Variants in DYNLRB1 observed in about 807,000 individuals in gnomAD.
DYNLRB1 encodes the protein ROBL/LC7-like 1.
Under a neutral mutation model 13.5 loss-of-function variants are expected in DYNLRB1, and 6 were observed. That is an observed-to-expected ratio of 0.44 (90% CI 0.24 to 0.88). DYNLRB1 has a LOEUF of 0.88. Ranked by LOEUF, DYNLRB1 falls within the 40% of genes least tolerant of loss-of-function variation. The pLI is 0.21. For missense variants in DYNLRB1, 93 were observed against 127.2 expected, an observed-to-expected ratio of 0.73 and a Z score of 1.29; for synonymous variants, 43 against 45.0, an observed-to-expected ratio of 0.96 and a Z score of 0.18.
chr20:34,523,249 G>A (rs747132787), intron 1 of DYNLRB1, among the ~76,000 whole-genome samples: 1 of 152,138 alleles, frequency 6.6e-6, no homozygotes, highest in African/African-American at 2.4e-5. Flanking sequence ...CAGGGCAGGG[G>A]TAGGAGGCTT....
chr20:34,521,632 G>C (rs1254915624), intron 1 of DYNLRB1, among the ~76,000 whole-genome samples: 1 of 152,124 alleles, frequency 6.6e-6, no homozygotes, highest in Non-Finnish European at 1.5e-5. Flanking sequence ...CTTTATTGCT[G>C]CTTGTTTTTC....
At chr20:34,531,934 G>GT (rs1172209457) in intron 2 of DYNLRB1, among the ~76,000 whole-genome samples, 1 of 152,220 alleles carries the variant, frequency 6.6e-6, no homozygotes, top group Non-Finnish European at 1.5e-5. Flanking sequence ...GCTTCGTGGT[G>GT]TGTAAAAAGA....
At chr20:34,536,515 G>A (rs1325261620) in intron 3 of DYNLRB1, 5 of 979,864 alleles carry the variant, frequency 5.1e-6, no homozygotes, top group Non-Finnish European at 4.8e-6. Flanking sequence ...GGGAGGCCAA[G>A]GCAGGCGGAT....
Position 34,540,800 on chromosome 20 carries a change from C to A in DYNLRB1, c.*176C>A. ...CCACCAACGGAACCCCTGTGTGCACCAACCTTCCCCAGAGCTCCGGAGCGC... is the reference window on the plus strand; with the variant it reads ...CCACCAACGGAACCCCTGTGTGCACAAACCTTCCCCAGAGCTCCGGAGCGC... On this transcript the variant is annotated 3_prime_UTR_variant, in exon 4 of 4. Coordinates refer to ENST00000357156, the MANE Select transcript of DYNLRB1 (RefSeq NM_014183.4). 2 of 595,086 alleles carry A rather than the reference C, an allele frequency of 3.4e-6. No homozygotes were observed. Among genetic ancestry groups the A allele is most frequent in the South Asian group, 2.3e-5 (1 of 42,580 alleles). 36.9% of individuals were successfully genotyped at this position (595,086 alleles called of 1,614,324 possible). A position where few individuals can be genotyped will look rare whatever the true frequency, so the allele number is the denominator to read the frequency against.
Position 34,535,157 on chromosome 20 carries a change from G to A in DYNLRB1, c.247+362G>A, listed in dbSNP as rs3787224. 2.4e-3 allele frequency: 2,341 copies of A among 985,400 alleles called. 101 individuals carry two copies. In the East Asian group the frequency reaches 0.11, roughly 48 times the overall value. The allele number at this position is 985,400 out of a possible 1,614,324, so 61.0% of individuals were successfully genotyped here. On this transcript the variant is annotated intron_variant, in intron 3 of 3. Coordinates refer to ENST00000357156, the MANE Select transcript of DYNLRB1 (RefSeq NM_014183.4). ...GCTTCCCAGAAGAGGGGACACTGGAGCTGAATCTTAAGGGCACCAGGAAGC... is the reference window on the plus strand; with the variant it reads ...GCTTCCCAGAAGAGGGGACACTGGAACTGAATCTTAAGGGCACCAGGAAGC...
chr20:34,535,230 C>A, intron 3 of DYNLRB1: 1 of 985,436 alleles, frequency 1.0e-6, no homozygotes, highest in Non-Finnish European at 1.2e-6. Context: ...GAAGAATATT[C>A]AGTGATTCTT....
chr20:34,536,210 G>T, intron 3 of DYNLRB1: 2 of 985,454 alleles, frequency 2.0e-6, no homozygotes, highest in Non-Finnish European at 2.4e-6. Context: ...AGGAGGCACA[G>T]AATCTGTTTT....
intron 2 of DYNLRB1, among the ~76,000 whole-genome samples, chr20:34,531,996 G>T (rs1030868960): frequency 2.0e-5 from 3 of 152,188 alleles, no homozygotes; most frequent in African/African-American, 7.2e-5. Flanking sequence ...GGGACTGTGG[G>T]CCTCTTACCA....
At chr20:34,517,773 C>T (rs1979373535) in intron 1 of DYNLRB1, among the ~76,000 whole-genome samples, 1 of 151,824 alleles carries the variant, frequency 6.6e-6, no homozygotes, top group Non-Finnish European at 1.5e-5. Flanking sequence ...GGACTACAGG[C>T]GCCCACCACC....
intron 1 of DYNLRB1, among the ~76,000 whole-genome samples, chr20:34,521,671 T>A (rs1979728221): frequency 6.6e-6 from 1 of 152,188 alleles, no homozygotes; most frequent in Non-Finnish European, 1.5e-5. Flanking sequence ...ATCTGGGAAC[T>A]AGAGAATTGG....
At chr20:34,516,788 C>T in intron 1 of DYNLRB1, 1 of 1,550,098 alleles carries the variant, frequency 6.5e-7, no homozygotes, top group South Asian at 1.2e-5. Flanking sequence ...GCAACCCTGG[C>T]AACGTTTCCC....
At position 34,540,631 on chromosome 20, in the gene DYNLRB1, C is replaced by G. The variant is rs1447364926; in HGVS notation, c.*7C>G. On this transcript the variant is annotated 3_prime_UTR_variant, in exon 4 of 4. Coordinates refer to ENST00000357156, the MANE Select transcript of DYNLRB1 (RefSeq NM_014183.4). ...TCAGAATCCAACCGAATAAGCCACT[C>G]TCTTGGCTCCCTGTGTCATTCCTTA... 1.9e-6 allele frequency: 3 copies of G among 1,613,572 alleles called. No individual in the cohort carries two copies. The highest frequency in any genetic ancestry group is 4.5e-5 in the East Asian group (2 of 44,884).
intron 2 of DYNLRB1, among the ~76,000 whole-genome samples, chr20:34,529,622 G>T (rs369205081): frequency 6.6e-6 from 1 of 151,844 alleles, no homozygotes; most frequent in Non-Finnish European, 1.5e-5. Context: ...CCAGCTATTC[G>T]GGAGGCTGAG....
At chr20:34,536,354 C>T (rs1981139483) in intron 3 of DYNLRB1, 3 of 985,146 alleles carry the variant, frequency 3.0e-6, no homozygotes, top group Non-Finnish European at 3.6e-6. Context: ...AGTGTGTTGA[C>T]CTGGGTTGGG....
intron 3 of DYNLRB1, chr20:34,536,083 G>T: frequency 1.0e-6 from 1 of 985,422 alleles, no homozygotes; most frequent in East Asian, 1.1e-4. Flanking sequence ...ACTCCCTAGA[G>T]GGGTGGGGAC....
intron 1 of DYNLRB1, among the ~76,000 whole-genome samples, chr20:34,521,757 A>G (rs546536211): frequency 6.6e-6 from 1 of 152,194 alleles, no homozygotes; most frequent in African/African-American, 2.4e-5. Flanking sequence ...TAAAGATGAC[A>G]TACTTATGGC....
intron 3 of DYNLRB1, chr20:34,534,998 G>A: frequency 7.0e-7 from 1 of 1,421,654 alleles, no homozygotes; most frequent in Non-Finnish European, 9.2e-7. Flanking sequence ...GCCCCAGAGG[G>A]TAACCCCAGT....
intron 1 of DYNLRB1, among the ~76,000 whole-genome samples, chr20:34,524,828 A>G (rs1980057328): frequency 6.7e-6 from 1 of 149,306 alleles, no homozygotes; most frequent in Admixed American, 6.7e-5. Context: ...GGTTCACGCC[A>G]TTCTTCTGCC....
intron 2 of DYNLRB1, among the ~76,000 whole-genome samples, chr20:34,527,545 G>A (rs1384932915): frequency 2.0e-5 from 3 of 152,178 alleles, no homozygotes; most frequent in African/African-American, 7.2e-5. Flanking sequence ...ATGCCTCTAG[G>A]CCACAGTGTT....
Sources: gnomAD v4.1 joint callset for allele counts (sites outside exome capture counted in the v4.1 genomes callset) on GRCh38, gnomAD v4.1.1 for gene constraint, MANE v1.5 for transcripts, NCBI Gene and HGNC (gene_info 2026-07-23, HGNC 2026-07-21) for gene names.